CPS1: variants seen among roughly 807,000 people sequenced by gnomAD.
CPS1 encodes carbamoyl-phosphate synthase [ammonia], mitochondrial.
In CPS1, 109 loss-of-function variants were observed where a neutral mutation model predicts 174.6. The ratio of observed to expected loss-of-function variants is 0.62; its 90% CI spans 0.53 to 0.73. The LOEUF (loss-of-function observed/expected upper bound fraction) is 0.73, where lower values mean the gene tolerates loss of function less well. Among genes scored for constraint, CPS1 ranks in the 30% least tolerant of loss-of-function variants. CPS1 has a pLI of 0.00. For synonymous variants in CPS1, 637 were observed against 632.0 expected (o/e 1.01, Z -0.12); for missense variants, 1,689 against 1,821.9 (o/e 0.93, Z 1.33).
chr2:210,482,657 TGAGAGAGAGAGAGAGAGAAA>T (rs1177642453), intron 1 of CPS1, among the ~76,000 whole-genome samples: 1 of 115,520 alleles, frequency 8.7e-6, no homozygotes, highest in Non-Finnish European at 1.8e-5. Flanking sequence ...CATATGCTGG[TGAGAGAGAGAGAGAGAGAAA>T]GAGAGAGAGA....
At position 210,556,705 on chromosome 2, in the gene CPS1, T is replaced by G. The variant is rs147937942; in HGVS notation, c.-29T>G. On this transcript the variant is annotated 5_prime_UTR_variant, in exon 1 of 38. Transcript: ENST00000233072. ...ACAATCTCATAAAATTTATGTAATTTCATTTAATTTTAGCCACAAATCATC... is the reference window on the plus strand; with the variant it reads ...ACAATCTCATAAAATTTATGTAATTGCATTTAATTTTAGCCACAAATCATC... 16,429 of 1,601,440 alleles carry G rather than the reference T, an allele frequency of 0.01. 136 individuals are homozygous for G. The highest frequency in any genetic ancestry group is 0.025 in the South Asian group (2,213 of 90,250).
At chr2:210,543,320 A>G (rs1195296477) in intron 1 of CPS1, among the ~76,000 whole-genome samples, 1 of 152,122 alleles carries the variant, frequency 6.6e-6, no homozygotes, top group Non-Finnish European at 1.5e-5. Context: ...ATATGTTAAC[A>G]TGCCCTGCCA....
intron 1 of CPS1, among the ~76,000 whole-genome samples, chr2:210,483,860 C>T (rs1694641151): frequency 6.6e-6 from 1 of 152,152 alleles, no homozygotes; most frequent in Admixed American, 6.5e-5. Flanking sequence ...AGGATTGGGC[C>T]TCTAAAATGT....
intron 22 of CPS1, among the ~76,000 whole-genome samples, chr2:210,638,684 TC>T (rs1006578861): frequency 6.6e-6 from 1 of 152,092 alleles, no homozygotes; most frequent in African/African-American, 2.4e-5. Context: ...GATCTTGTTC[TC>T]CCCCCGTTCA....
intron 1 of CPS1, among the ~76,000 whole-genome samples, chr2:210,565,246 G>A (rs1406796644): frequency 6.6e-6 from 1 of 151,946 alleles, no homozygotes; most frequent in African/African-American, 2.4e-5. Context: ...TCTAACAAAG[G>A]AAACATTTAG....
intron 1 of CPS1, among the ~76,000 whole-genome samples, chr2:210,542,592 G>A (rs956827203): frequency 5.3e-5 from 8 of 151,988 alleles, no homozygotes; most frequent in Admixed American, 2.0e-4. Context: ...TTTAGATGCC[G>A]TGTTGTCTCT....
rs1698249280 is a variant in CPS1, at chr2:210,590,251, A to G, written c.840+17A>G. On this transcript the variant is annotated intron_variant, in intron 8 of 37. Transcript: ENST00000233072. ...GTCAGAAAGGTGCAATGAACCTTGAATTCATGTGTATCTGTGTGGGAGGTG... is the reference window on the plus strand; with the variant it reads ...GTCAGAAAGGTGCAATGAACCTTGAGTTCATGTGTATCTGTGTGGGAGGTG... 1.2e-5 allele frequency: 20 copies of G among 1,612,230 alleles called. No individual in the cohort carries two copies. The East Asian group carries it at 3.6e-4, about 29-fold the overall frequency.
intron 20 of CPS1, among the ~76,000 whole-genome samples, chr2:210,614,913 C>T (rs1699252360): frequency 6.6e-6 from 1 of 151,856 alleles, no homozygotes; most frequent in African/African-American, 2.4e-5. Flanking sequence ...ATGCATAGCA[C>T]TAGGAGAAAT....
chr2:210,587,273 A>G (rs538453641), intron 6 of CPS1, among the ~76,000 whole-genome samples: 7 of 152,188 alleles, frequency 4.6e-5, no homozygotes, highest in Non-Finnish European at 8.8e-5. Flanking sequence ...ACAAACGATG[A>G]AATCATCCTA....
At chr2:210,589,757 T>G (rs1042364614) in intron 7 of CPS1, among the ~76,000 whole-genome samples, 3 of 152,132 alleles carry the variant, frequency 2.0e-5, no homozygotes, top group Admixed American at 2.0e-4. Context: ...ACTCCTGGAC[T>G]CGGGTGATCC....
chr2:210,520,739 A>T (rs552626556), intron 1 of CPS1, among the ~76,000 whole-genome samples: 1 of 152,062 alleles, frequency 6.6e-6, no homozygotes, highest in South Asian at 2.1e-4. Flanking sequence ...AAACATTATT[A>T]TTTTGAGGTT....
intron 1 of CPS1, among the ~76,000 whole-genome samples, chr2:210,492,236 A>T (rs1444625174): frequency 1.3e-5 from 2 of 152,370 alleles, no homozygotes; most frequent in African/African-American, 2.4e-5. Flanking sequence ...AGACATAGTT[A>T]CATAGCTTAA....
intron 28 of CPS1, 60 bp downstream of exon 28, chr2:210,650,498 T>C (rs1423180419): frequency 8.5e-7 from 1 of 1,179,152 alleles, no homozygotes; most frequent in Admixed American, 1.7e-5. Context: ...GTGACATTTA[T>C]CTCTTAATAA....
In CPS1 at chr2:210,512,845, T is replaced by TA. The variant is rs1695542218; in HGVS notation, c.3+35079_3+35080insA. Among the ~76,000 whole-genome samples the TA allele has an allele frequency of 3.3e-5, 3 of 91,796 alleles. 1 individual carries two copies. The highest frequency in any genetic ancestry group is 2.8e-4 in the East Asian group (1 of 3,520). 60.2% of individuals were successfully genotyped at this position (91,796 alleles called of 152,430 possible). A position where few individuals can be genotyped will look rare whatever the true frequency, so the allele number is the denominator to read the frequency against. ...ATATATATATGGAGATATACATATA[T>TA]GGAGATATATATATATAGATATATA... On this transcript the variant is annotated intron_variant, in intron 1 of 38. Transcript: ENST00000430249.
intron 1 of CPS1, among the ~76,000 whole-genome samples, chr2:210,533,911 C>G (rs944649204): frequency 3.3e-5 from 5 of 152,166 alleles, no homozygotes; most frequent in Non-Finnish European, 1.5e-5. Context: ...TCCTCCATCT[C>G]TTCAAAGGAA....
intron 34 of CPS1, among the ~76,000 whole-genome samples, chr2:210,670,933 C>A (rs897783144): frequency 2.6e-5 from 4 of 152,196 alleles, no homozygotes; most frequent in African/African-American, 7.2e-5. Context: ...GGATTCTTCT[C>A]AATCTATTAC....
chr2:210,627,965 A>T (rs1269363454), intron 21 of CPS1, among the ~76,000 whole-genome samples: 3 of 151,996 alleles, frequency 2.0e-5, no homozygotes, highest in Non-Finnish European at 4.4e-5. Flanking sequence ...CACTTGCCAC[A>T]TTTATTATTT....
intron 31 of CPS1, among the ~76,000 whole-genome samples, chr2:210,659,606 T>A (rs1700847699): frequency 6.6e-6 from 1 of 152,126 alleles, no homozygotes; most frequent in Non-Finnish European, 1.5e-5. Flanking sequence ...CAGACCATAG[T>A]AGTAACCAGC....
chr2:210,536,747 A>G (rs1022983325), intron 1 of CPS1, among the ~76,000 whole-genome samples: 9 of 152,214 alleles, frequency 5.9e-5, no homozygotes, highest in African/African-American at 1.7e-4. Flanking sequence ...CATAAATAAC[A>G]CTTTTGTAGA....
Sources: allele counts gnomAD v4.1 joint callset (sites outside exome capture counted in the v4.1 genomes callset), GRCh38; gene constraint gnomAD v4.1.1; transcripts MANE v1.5; gene names NCBI Gene and HGNC (gene_info 2026-07-23, HGNC 2026-07-21).